KLF10: variants seen among roughly 807,000 people sequenced by gnomAD.
KLF10 encodes Krueppel-like factor 10.
KLF10 carries 17 observed loss-of-function variants against 31.6 expected under a neutral mutation model. The observed-to-expected ratio is 0.54, with a 90% CI of 0.37 to 0.81. KLF10 has a LOEUF of 0.81. Ranked by LOEUF, KLF10 falls within the 30% of genes least tolerant of loss-of-function variation. The probability of loss-of-function intolerance (pLI) is 0.00; values close to 1 mark genes in which losing one functional copy is unlikely to be tolerated. For missense variants in KLF10, 525 were observed against 598.1 expected, an observed-to-expected ratio of 0.88 and a Z score of 1.27; for synonymous variants, 239 against 215.1, an observed-to-expected ratio of 1.11 and a Z score of -0.97.
At position 102,652,229 on chromosome 8, in the gene KLF10, A is replaced by G; in HGVS notation, c.205T>C (p.Ser69Pro). 3 of 1,612,266 alleles carry G rather than the reference A, an allele frequency of 1.9e-6. No homozygotes were observed. The highest frequency in any genetic ancestry group is 2.5e-6 in the Non-Finnish European group (3 of 1,178,838). ...AGATTCTCTTCCTCTGACAAATCAG[A>G]TACTGGTGTAACAGGTCTGTTTTCA... Reference protein sequence around the residue: ...YVENRPVTPVSDLSEEENLLP... With the variant: ...YVENRPVTPVPDLSEEENLLP... The change falls in exon 2 of 4, where the codon TCT becomes CCT. Residue 69 changes from serine (S) to proline (P), a missense_variant. Coordinates refer to ENST00000285407, the MANE Select transcript of KLF10 (RefSeq NM_005655.4).
chr8:102,652,128 A>C (rs766716829), intron 2 of KLF10, 36 bp downstream of exon 2: 2 of 1,484,346 alleles, frequency 1.3e-6, no homozygotes, highest in Non-Finnish European at 1.8e-6. Flanking sequence ...AAGAAATTAT[A>C]TAATTTACGT....
chr8:102,651,632 G>T lies in KLF10; in HGVS notation c.700C>A (p.Pro234Thr). The change falls in exon 3 of 4, where the codon CCT becomes ACT. Residue 234 changes from proline (P) to threonine (T), a missense_variant. Coordinates refer to ENST00000285407, the MANE Select transcript of KLF10 (RefSeq NM_005655.4). ...ASAALYDFSV[P>T]SSETVICRSQ... is the part of the protein sequence containing the mutation. Reference sequence around the variant, plus strand: ...CTGCAGATGACCGTCTCTGAGGAAGGCACAGAAAAGTCATAAAGTGCAGCA... The same window carrying T: ...CTGCAGATGACCGTCTCTGAGGAAGTCACAGAAAAGTCATAAAGTGCAGCA... The T allele has an allele frequency of 6.2e-7, 1 of 1,614,226 alleles. No homozygotes were observed. Among genetic ancestry groups the T allele is most frequent in the Non-Finnish European group, 8.5e-7 (1 of 1,180,044 alleles).
In KLF10 at chr8:102,651,024, A is replaced by G. The variant is rs1317320658; in HGVS notation, c.1183+125T>C. On this transcript the variant is annotated intron_variant, in intron 3 of 3. Transcript: ENST00000285407. ...AATACAGCCTTTTGGAGGACCTTGC[A>G]CTGGTAAATACCATCCTCTAAACTA... 5 of 874,358 alleles carry G rather than the reference A, an allele frequency of 5.7e-6. No homozygotes were observed. The East Asian group carries it at 1.1e-4, about 19-fold the overall frequency. The allele number at this position is 874,358 out of a possible 1,614,324, so 54.2% of individuals were successfully genotyped here. A position where few individuals can be genotyped will look rare whatever the true frequency, so the allele number is the denominator to read the frequency against.
chr8:102,654,011 TC>T, intron 1 of KLF10: 1 of 982,606 alleles, frequency 1.0e-6, no homozygotes. Context: ...CGCTCGCACG[TC>T]CCCGCGCCCC....
chr8:102,652,116 T>A, intron 2 of KLF10, 48 bp downstream of exon 2: 1 of 1,472,566 alleles, frequency 6.8e-7, no homozygotes, highest in Non-Finnish European at 9.1e-7. Flanking sequence ...TATATAAATT[T>A]TAAGAAATTA....
intron 1 of KLF10, 93 bp from the exon 2 acceptor site, chr8:102,652,490 T>TA: frequency 1.5e-6 from 1 of 652,428 alleles, no homozygotes; most frequent in Non-Finnish European, 2.5e-6. Flanking sequence ...TTTTTTTTTT[T>TA]ACAACTCACA....
chr8:102,655,725 C>T lies in KLF10; in HGVS notation c.-124G>A, dbSNP rs1223798919. 17 of 1,145,756 alleles carry T rather than the reference C, an allele frequency of 1.5e-5. No homozygotes were observed. The highest frequency in any genetic ancestry group is 2.0e-5 in the Non-Finnish European group (16 of 785,806). 71.0% of individuals were successfully genotyped at this position (1,145,756 alleles called of 1,614,324 possible). A position where few individuals can be genotyped will look rare whatever the true frequency, so the allele number is the denominator to read the frequency against. On this transcript the variant is annotated 5_prime_UTR_variant, in exon 1 of 4. Transcript: ENST00000285407. Reference sequence around the variant, plus strand: ...CCGCCGCCGCGCTCAGCGCCGTCTGCCCCCTCCCCATTCAGGTAGCCGCTC... The same window carrying T: ...CCGCCGCCGCGCTCAGCGCCGTCTGTCCCCTCCCCATTCAGGTAGCCGCTC...
Position 102,650,300 on chromosome 8 carries a change from AC to A in KLF10, c.1274del (p.Gly425ValfsTer15). 6.2e-7 allele frequency: 1 copy of A among 1,613,852 alleles called. No individual in the cohort carries two copies. Among genetic ancestry groups the A allele is most frequent in the Non-Finnish European group, 8.5e-7 (1 of 1,179,990 alleles). The part of the protein sequence containing the change: ...ELSRHRRTHT[G>X]EKKFACPMCD... The stretch of plus-strand genomic sequence containing the variant: ...ACATGGGGCACGCAAATTTCTTCTC[AC>A]CCGTGTGGGTTCGCCTGTGTCTGGA... On this transcript the variant is annotated frameshift_variant, in exon 4 of 4. Coordinates refer to ENST00000285407, the MANE Select transcript of KLF10 (RefSeq NM_005655.4). LOFTEE classifies it high-confidence loss of function.
At chr8:102,654,783 C>T (rs1260934091) in intron 1 of KLF10, among the ~76,000 whole-genome samples, 3 of 152,032 alleles carry the variant, frequency 2.0e-5, no homozygotes, top group Non-Finnish European at 4.4e-5. Context: ...GCCCACCTTC[C>T]CGCCCCAGCT....
chr8:102,649,332 A>G lies in KLF10; in HGVS notation c.*800T>C, dbSNP rs904207664. The G allele has an allele frequency of 6.6e-6, 1 of 152,222 alleles. No homozygotes were observed. Among genetic ancestry groups the G allele is most frequent in the Non-Finnish European group, 1.5e-5 (1 of 68,032 alleles). 9.4% of individuals were successfully genotyped at this position (152,222 alleles called of 1,614,324 possible). A position where few individuals can be genotyped will look rare whatever the true frequency, so the allele number is the denominator to read the frequency against. Reference sequence around the variant, plus strand: ...TTTTTTTCTAAACAAAGTGCAGTGTATCTTAGAGTCTACAGAAAACACATT... The same window carrying G: ...TTTTTTTCTAAACAAAGTGCAGTGTGTCTTAGAGTCTACAGAAAACACATT... On this transcript the variant is annotated 3_prime_UTR_variant, in exon 4 of 4. Coordinates refer to ENST00000285407, the MANE Select transcript of KLF10 (RefSeq NM_005655.4).
chr8:102,653,521 A>G, intron 1 of KLF10: 1 of 1,522,338 alleles, frequency 6.6e-7, no homozygotes. Flanking sequence ...GTTTGGTCAA[A>G]GTAGAGATTG....
In KLF10 at chr8:102,650,265, C is replaced by T. The variant is rs780387658; in HGVS notation, c.1310G>A (p.Arg437Gln). ...GGTCAAATGGTCACTCCTCATGAAC[C>T]GCCGGTCACACATGGGGCACGCAAA... ...KKFACPMCDRRFMRSDHLTKH... is the reference protein window; with the variant it reads ...KKFACPMCDRQFMRSDHLTKH... Residue 437 changes from arginine (R) to glutamine (Q), a missense_variant, in exon 4 of 4, where the codon CGG becomes CAG. Physicochemically the swap from Arg to Gln is conservative, Grantham distance 43. This residue lies in a region of KLF10 where 49 missense variants were observed against 105.0 expected (regional missense o/e 0.47). Coordinates refer to ENST00000285407, the MANE Select transcript of KLF10 (RefSeq NM_005655.4). 4 of 1,614,182 alleles carry T rather than the reference C, an allele frequency of 2.5e-6. No homozygotes were observed. Among genetic ancestry groups the T allele is most frequent in the Non-Finnish European group, 2.5e-6 (3 of 1,180,028 alleles).
chr8:102,652,443 C>T, intron 1 of KLF10, 46 bp from the exon 2 acceptor site: 1 of 1,087,708 alleles, frequency 9.2e-7, no homozygotes, highest in South Asian at 1.9e-5. Context: ...TTTTTGTCAT[C>T]CAAATGACAC....
intron 1 of KLF10, among the ~76,000 whole-genome samples, chr8:102,654,616 C>T (rs1207236753): frequency 1.3e-5 from 2 of 152,032 alleles, no homozygotes; most frequent in Admixed American, 1.3e-4. Context: ...CCTCAGACCA[C>T]CCCGTCTCTC....
In KLF10 at chr8:102,652,075, A is replaced by G; in HGVS notation, c.271-14T>C. ...TGGAGTCAAACACTAAAGAAAAGGG[A>G]AATACATAGCATGAGAAATCTACAG... is the stretch of plus-strand genomic sequence containing the variant. On this transcript the variant is annotated splice_polypyrimidine_tract_variant and intron_variant, in intron 2 of 3. Coordinates refer to ENST00000285407, the MANE Select transcript of KLF10 (RefSeq NM_005655.4). 2 of 1,563,300 alleles carry G rather than the reference A, an allele frequency of 1.3e-6. No homozygotes were observed. The highest frequency in any genetic ancestry group is 4.6e-5 in the East Asian group (2 of 43,452).
At chr8:102,653,869 AGGCGCGGGCGGGGGAGGCAGACGAGG>A (rs1326999201) in intron 1 of KLF10, 71 of 635,030 alleles carry the variant, frequency 1.1e-4, no homozygotes, top group African/African-American at 1.2e-4. Flanking sequence ...GCGCGGGCGG[AGGCGCGGGCGGGGGAGGCAGACGAGG>A]GGCGGGGGCG....
chr8:102,651,458 T>A lies in KLF10; in HGVS notation c.874A>T (p.Ser292Cys), dbSNP rs764399029. ...GCTGGTGGCTGGCTGGGAGGAGTGC[T>A]GGGAACGACTGTTGTCACAACAGGG... ...NNPVVTTVVP[S>C]TPPSQPPAVC... The change falls in exon 3 of 4, where the codon AGC becomes TGC. Residue 292 changes from serine to cysteine, a missense_variant. Around this residue, in one of 3 missense-constraint regions of KLF10, gnomAD observed 434 missense variants for 450.7 expected, o/e 0.96. Coordinates refer to ENST00000285407, the MANE Select transcript of KLF10 (RefSeq NM_005655.4). 3 of 1,613,770 alleles carry A rather than the reference T, an allele frequency of 1.9e-6. No homozygotes were observed. The highest frequency in any genetic ancestry group is 2.5e-6 in the Non-Finnish European group (3 of 1,179,916).
Position 102,651,842 on chromosome 8 carries a change from G to A in KLF10, c.490C>T (p.Leu164=), listed in dbSNP as rs894302341. The A allele has an allele frequency of 1.5e-5, 25 of 1,614,204 alleles. No individual in the cohort carries two copies. The highest frequency in any genetic ancestry group is 1.9e-5 in the Non-Finnish European group (23 of 1,180,040). The change falls in exon 3 of 4, where the codon CTA becomes TTA. Residue 164 remains leucine (L), a synonymous_variant. Coordinates refer to ENST00000285407, the MANE Select transcript of KLF10 (RefSeq NM_005655.4). ...ATTGGGCAGGTCTGGTGGTTACATA[G>A]CTGGGCATCAGCTGTATGACGAATC... The part of the protein sequence containing the change: ...SVIRHTADAQ[L]CNHQTCPMKA...
Position 102,651,444 on chromosome 8 carries a change from G to C in KLF10, c.888C>G (p.Ser296Arg). The C allele has an allele frequency of 1.2e-6, 2 of 1,613,982 alleles. No homozygotes were observed. Among genetic ancestry groups the C allele is most frequent in the Non-Finnish European group, 1.7e-6 (2 of 1,179,924 alleles). Residue 296 changes from serine to arginine, a missense_variant, in exon 3 of 4, where the codon AGC (serine) becomes AGG (arginine). By Grantham distance (110) the Ser-to-Arg change is moderately radical. Around this residue, in one of 3 missense-constraint regions of KLF10, gnomAD observed 434 missense variants for 450.7 expected, o/e 0.96. Coordinates refer to ENST00000285407, the MANE Select transcript of KLF10 (RefSeq NM_005655.4). ...CAGGGGGGCAAACGGCTGGTGGCTG[G>C]CTGGGAGGAGTGCTGGGAACGACTG... ...VTTVVPSTPP[S>R]QPPAVCPPVV...
Sources: allele counts gnomAD v4.1 joint callset (sites outside exome capture counted in the v4.1 genomes callset), GRCh38; gene constraint gnomAD v4.1.1; regional missense constraint gnomAD v4.1.1; transcripts MANE v1.5; gene names NCBI Gene and HGNC (gene_info 2026-07-23, HGNC 2026-07-21).